The following EPS15 variants were observed in gnomAD, a reference collection of about 807,000 sequenced individuals.
The protein encoded by EPS15 is epidermal growth factor receptor substrate 15.
A neutral mutation model predicts 113.8 loss-of-function variants in EPS15; 72 were observed. The ratio of observed to expected loss-of-function variants is 0.63; its 90% CI spans 0.52 to 0.77. The LOEUF is 0.77. Ranked by LOEUF, EPS15 falls within the 30% of genes least tolerant of loss-of-function variation. The pLI, the probability that EPS15 is intolerant of heterozygous loss-of-function variation, is 0.00. For synonymous variants in EPS15, 344 were observed against 363.4 expected (o/e 0.95, Z 0.61); for missense variants, 1,048 against 1,045.8 (o/e 1.00, Z -0.03).
intron 1 of EPS15, among the ~76,000 whole-genome samples, chr1:51,508,385 A>AAAGAAAGAAAGAGAGAAAGAAAGAAAGG (rs1557537547): frequency 6.8e-6 from 1 of 146,268 alleles, no homozygotes; most frequent in African/African-American, 2.6e-5. Flanking sequence ...AGAAAGAAAG[A>AAAGAAAGAAAGAGAGAAAGAAAGAAAGG]GAAAATTTAA....
intron 24 of EPS15, among the ~76,000 whole-genome samples, chr1:51,358,712 T>G (rs1646302525): frequency 6.7e-6 from 1 of 148,776 alleles, no homozygotes; most frequent in Non-Finnish European, 1.5e-5. Flanking sequence ...TTTTTTTGTT[T>G]TTTTTTTTTT....
chr1:51,489,286 C>CATATATATATATATATATATAT (rs71063034), intron 1 of EPS15, among the ~76,000 whole-genome samples: 35 of 141,716 alleles, frequency 2.5e-4, no homozygotes, highest in African/African-American at 9.3e-4. Flanking sequence ...CCTAGTATAC[C>CATATATATATATATATATATAT]ATATATATAT....
At chr1:51,430,977 TACACACACAC>T (rs67920039) in intron 12 of EPS15, among the ~76,000 whole-genome samples, 3,535 of 122,044 alleles carry the variant, frequency 0.029, 55 homozygotes, top group African/African-American at 0.05. Context: ...ATTACTTACA[TACACACACAC>T]ACACACACAC....
chr1:51,443,917 G>C (rs1165977441), intron 11 of EPS15, among the ~76,000 whole-genome samples: 1 of 152,030 alleles, frequency 6.6e-6, no homozygotes, highest in East Asian at 1.9e-4. Flanking sequence ...CAAAATACTG[G>C]GTTTACAGGT....
In EPS15 at chr1:51,445,886, A is replaced by G. The variant is rs111380389; in HGVS notation, c.798-841T>C. On this transcript the variant is annotated intron_variant, in intron 10 of 24. Transcript: ENST00000371733. ...TCTTGCGAAATTACTATGAGAATTA[A>G]AGACAGGATATATAAAAAGCTTAGG... is the stretch of plus-strand genomic sequence containing the variant. Among the ~76,000 whole-genome samples the G allele has an allele frequency of 7.6e-3, 1,151 of 152,334 alleles. 9 individuals are homozygous for G. The highest frequency in any genetic ancestry group is 0.027 in the African/African-American group (1,106 of 41,570).
chr1:51,500,984 C>CA (rs1186095022), intron 1 of EPS15, among the ~76,000 whole-genome samples: 106 of 130,844 alleles, frequency 8.1e-4, no homozygotes, highest in South Asian at 6.6e-3. Context: ...AACTCCATCT[C>CA]AAAAAAAAAA....
intron 13 of EPS15, among the ~76,000 whole-genome samples, chr1:51,418,106 T>C (rs989019248): frequency 1.3e-5 from 2 of 152,178 alleles, no homozygotes; most frequent in African/African-American, 4.8e-5. Flanking sequence ...CCAAGTTTTT[T>C]CAATAAGATT....
intron 20 of EPS15, among the ~76,000 whole-genome samples, chr1:51,395,049 T>A (rs1182891822): frequency 1.3e-5 from 2 of 152,086 alleles, no homozygotes; most frequent in Non-Finnish European, 2.9e-5. Context: ...TTGTTATTAT[T>A]TGTATAGATA....
Position 51,448,065 on chromosome 1 carries a change from G to A in EPS15, c.632C>T (p.Pro211Leu), listed in dbSNP as rs774868603. 1.9e-6 allele frequency: 3 copies of A among 1,613,612 alleles called. No individual in the cohort carries two copies. The South Asian group carries it at 3.3e-5, about 18-fold the overall frequency. ...ACTGACCGTTTTTCTCTTAGATGGT[G>A]GCACCAAGGCTGGAGGCAAGGACAT... ...VPMSLPPALV[P>L]PSKRKTWVVS... is the part of the protein sequence containing the mutation. Residue 211 changes from proline (P) to leucine (L), a missense_variant, in exon 9 of 25, where the codon CCA (proline) becomes CTA (leucine). By Grantham distance (98) the Pro-to-Leu change is moderately conservative (BLOSUM62 -3). Coordinates refer to ENST00000371733, the MANE Select transcript of EPS15 (RefSeq NM_001981.3).
Position 51,423,410 on chromosome 1 carries a change from A to G in EPS15, c.1041-1552T>C, listed in dbSNP as rs906281109. The G allele has an allele frequency of 8.1e-6, 9 of 1,111,904 alleles. No homozygotes were observed. The Admixed American group carries it at 1.5e-4, about 19-fold the overall frequency. The allele number at this position is 1,111,904 out of a possible 1,614,324, so 68.9% of individuals were successfully genotyped here. On this transcript the variant is annotated intron_variant, in intron 12 of 24. Coordinates refer to ENST00000371733, the MANE Select transcript of EPS15 (RefSeq NM_001981.3). ...GGGGAAAAATTTCTGAAAATACCCA[A>G]CAAATTCTGCAAGCTCAATCTTGGA...
chr1:51,489,286 CATAT>C lies in EPS15; in HGVS notation c.34-7976_34-7973del, dbSNP rs71063034. On this transcript the variant is annotated intron_variant, in intron 1 of 24. Transcript: ENST00000371733. Reference sequence around the variant, plus strand: ...TTTTACAAAGTATAGCCTAGTATACCATATATATATATATATATATGTATGTATG... The same window carrying C: ...TTTTACAAAGTATAGCCTAGTATACCATATATATATATATATGTATGTATG... 3.1e-4 allele frequency among the ~76,000 whole-genome samples: 44 copies of C among 141,730 alleles called. No homozygotes were observed. The East Asian group carries it at 6.9e-3, about 22-fold the overall frequency. The allele number at this position is 141,730 out of a possible 152,430, so 93.0% of individuals were successfully genotyped here. A position where few individuals can be genotyped will look rare whatever the true frequency, so the allele number is the denominator to read the frequency against.
intron 20 of EPS15, among the ~76,000 whole-genome samples, chr1:51,394,690 T>A (rs564751037): frequency 6.6e-6 from 1 of 152,292 alleles, no homozygotes; most frequent in South Asian, 2.1e-4. Flanking sequence ...AGATCTATGG[T>A]TTAACAAGTA....
At chr1:51,370,250 C>T (rs996233070) in intron 21 of EPS15, among the ~76,000 whole-genome samples, 4 of 152,122 alleles carry the variant, frequency 2.6e-5, no homozygotes, top group Non-Finnish European at 4.4e-5. Flanking sequence ...TGTTGCCAGT[C>T]GTATCAAAGT....
rs182518368 is a variant in EPS15, at chr1:51,414,002, G to T, written c.1114-4306C>A. Among the ~76,000 whole-genome samples, 259 of 152,034 alleles carry T rather than the reference G, an allele frequency of 1.7e-3. 2 individuals are homozygous for T. The highest frequency in any genetic ancestry group is 6.0e-3 in the African/African-American group (248 of 41,486). On this transcript the variant is annotated intron_variant, in intron 13 of 24. Coordinates refer to ENST00000371733, the MANE Select transcript of EPS15 (RefSeq NM_001981.3). ...TAGGCTCAAATGATCTGCCCGCCTC[G>T]GCCTCCCAAAATGCTGGGATTACAA...
intron 12 of EPS15, among the ~76,000 whole-genome samples, chr1:51,433,278 T>C (rs1208954138): frequency 1.3e-5 from 2 of 152,246 alleles, no homozygotes; most frequent in Admixed American, 6.5e-5. Flanking sequence ...CTCTAAGTGC[T>C]GAACTCGGTG....
intron 21 of EPS15, among the ~76,000 whole-genome samples, chr1:51,387,346 T>C (rs561706180): frequency 1.3e-3 from 197 of 152,136 alleles, no homozygotes; most frequent in African/African-American, 4.6e-3. Flanking sequence ...GAACAACCAG[T>C]ACCAGCCACT....
intron 8 of EPS15, chr1:51,458,558 G>A (rs768579362): frequency 2.5e-5 from 11 of 443,876 alleles, no homozygotes; most frequent in Admixed American, 4.8e-5. Context: ...CAAACACGGC[G>A]AAACGCTGTC....
intron 13 of EPS15, among the ~76,000 whole-genome samples, chr1:51,412,565 T>C (rs1649834424): frequency 1.3e-5 from 2 of 152,228 alleles, no homozygotes; most frequent in Admixed American, 6.5e-5. Flanking sequence ...ACTCCTTTAG[T>C]ACTTTATCAT....
intron 12 of EPS15, among the ~76,000 whole-genome samples, chr1:51,437,736 G>A (rs1652272033): frequency 6.6e-6 from 1 of 152,016 alleles, no homozygotes; most frequent in Non-Finnish European, 1.5e-5. Context: ...ACCTGCCTCG[G>A]CCCCGCAAAG....
Sources: gnomAD v4.1 joint callset for allele counts (sites outside exome capture counted in the v4.1 genomes callset) on GRCh38, gnomAD v4.1.1 for gene constraint, MANE v1.5 for transcripts, NCBI Gene and HGNC (gene_info 2026-07-23, HGNC 2026-07-21) for gene names.